USP10: variants seen among roughly 807,000 people sequenced by gnomAD.
The protein encoded by USP10 is ubiquitin carboxyl-terminal hydrolase 10.
Under a neutral mutation model 84.5 loss-of-function variants are expected in USP10, and 22 were observed. The observed-to-expected ratio is 0.26, with a 90% CI of 0.19 to 0.37. USP10 has a LOEUF of 0.37. Ranked by LOEUF, USP10 falls within the 10% of genes least tolerant of loss-of-function variation. The pLI is 1.00. For missense variants in USP10, 1,019 were observed against 998.9 expected, an observed-to-expected ratio of 1.02 and a Z score of -0.27; for synonymous variants, 454 against 387.6, an observed-to-expected ratio of 1.17 and a Z score of -2.01.
chr16:84,756,883 A>G (rs757054436), intron 4 of USP10, among the ~76,000 whole-genome samples: 2 of 152,204 alleles, frequency 1.3e-5, no homozygotes, highest in African/African-American at 2.4e-5. Flanking sequence ...AATAGACTTT[A>G]AGCCTGTGGG....
At chr16:84,738,083 A>C (rs1012192072) in intron 2 of USP10, among the ~76,000 whole-genome samples, 1 of 110,218 alleles carries the variant, frequency 9.1e-6, no homozygotes, top group African/African-American at 4.1e-5. Context: ...GCAGGGTTCT[A>C]ACAGCTCTCT....
Position 84,759,817 on chromosome 16 carries a change from A to C in USP10, c.1395-74A>C. ...TACTCGTATAGCTGATATTCTACTT[A>C]GCCATCAAAGCTCTTTAGTAAAAGT... On this transcript the variant is annotated intron_variant, in intron 6 of 13. Transcript: ENST00000219473. 2.1e-6 allele frequency: 3 copies of C among 1,422,534 alleles called. No individual in the cohort carries two copies. In the South Asian group the frequency reaches 3.5e-5, roughly 16 times the overall value. 88.1% of individuals were successfully genotyped at this position (1,422,534 alleles called of 1,614,324 possible).
intron 3 of USP10, among the ~76,000 whole-genome samples, chr16:84,743,040 A>G (rs369367247): frequency 9.2e-5 from 14 of 152,326 alleles, no homozygotes; most frequent in African/African-American, 3.4e-4. Flanking sequence ...CGCCCCAGGC[A>G]CACCCGTTTC....
chr16:84,773,470 A>G (rs1914660470), intron 12 of USP10, among the ~76,000 whole-genome samples: 1 of 152,092 alleles, frequency 6.6e-6, no homozygotes, highest in South Asian at 2.1e-4. Context: ...TAGATGACCC[A>G]GGAACTGTGG....
At chr16:84,705,594 C>T (rs928183261) in intron 1 of USP10, among the ~76,000 whole-genome samples, 6 of 145,664 alleles carry the variant, frequency 4.1e-5, no homozygotes, top group Non-Finnish European at 9.0e-5. Flanking sequence ...CCCTTTCCCT[C>T]TTTCTTTCTT....
chr16:84,776,862 G>T (rs1247156166), intron 13 of USP10, among the ~76,000 whole-genome samples: 1 of 152,180 alleles, frequency 6.6e-6, no homozygotes, highest in Non-Finnish European at 1.5e-5. Flanking sequence ...GCCCAGGCTG[G>T]AGTGCAGTGG....
chr16:84,715,663 T>TAG (rs1336148877), intron 1 of USP10, among the ~76,000 whole-genome samples: 1 of 152,040 alleles, frequency 6.6e-6, no homozygotes, highest in African/African-American at 2.4e-5. Flanking sequence ...AACAAACAAG[T>TAG]AGAGCTCAGC....
At chr16:84,766,071 C>T (rs1048028424) in intron 10 of USP10, among the ~76,000 whole-genome samples, 3 of 152,166 alleles carry the variant, frequency 2.0e-5, no homozygotes, top group African/African-American at 4.8e-5. Flanking sequence ...CCAAATGCTG[C>T]GTACCTGAAA....
At chr16:84,704,510 C>T (rs1905240127) in intron 1 of USP10, among the ~76,000 whole-genome samples, 2 of 152,198 alleles carry the variant, frequency 1.3e-5, no homozygotes, top group Admixed American at 1.3e-4. Context: ...TGTGCTTGGA[C>T]TGCAGTTTTC....
intron 13 of USP10, among the ~76,000 whole-genome samples, chr16:84,776,219 T>C (rs1222396304): frequency 6.6e-6 from 1 of 152,146 alleles, no homozygotes; most frequent in Non-Finnish European, 1.5e-5. Flanking sequence ...GGCTTCAAGC[T>C]CCTGTCCACC....
At chr16:84,768,415 G>C in intron 11 of USP10, 57 bp downstream of exon 11, 1 of 1,434,250 alleles carries the variant, frequency 7.0e-7, no homozygotes, top group Non-Finnish European at 9.3e-7. Context: ...TTGGTGGAAA[G>C]AACACAAAAT....
At chr16:84,732,375 A>T (rs1295065866) in intron 1 of USP10, 1 of 373,108 alleles carries the variant, frequency 2.7e-6, no homozygotes, top group Non-Finnish European at 5.1e-6. Context: ...ATAATTATTG[A>T]TTAAATGAAT....
At chr16:84,778,344 A>G (rs552290619) in intron 13 of USP10, among the ~76,000 whole-genome samples, 2 of 152,198 alleles carry the variant, frequency 1.3e-5, no homozygotes, top group African/African-American at 4.8e-5. Context: ...CTCATTTAAT[A>G]TACCATAAGC....
chr16:84,727,792 T>C (rs1157109809), intron 1 of USP10, among the ~76,000 whole-genome samples: 1 of 152,260 alleles, frequency 6.6e-6, no homozygotes, highest in African/African-American at 2.4e-5. Flanking sequence ...TTCTTGAATG[T>C]GTATTTCCTA....
chr16:84,776,483 A>C (rs1478134365), intron 13 of USP10, among the ~76,000 whole-genome samples: 1 of 152,166 alleles, frequency 6.6e-6, no homozygotes. Context: ...GGCCATGGGC[A>C]CCACGCGCTT....
At chr16:84,715,155 C>G (rs561078111) in intron 1 of USP10, among the ~76,000 whole-genome samples, 2 of 152,218 alleles carry the variant, frequency 1.3e-5, no homozygotes, top group Admixed American at 1.3e-4. Context: ...GTCTCGACCT[C>G]CTGACCTCAA....
At chr16:84,719,381 A>G (rs1361109846) in intron 1 of USP10, among the ~76,000 whole-genome samples, 2 of 152,190 alleles carry the variant, frequency 1.3e-5, no homozygotes, top group East Asian at 1.9e-4. Flanking sequence ...GAATGCCCCT[A>G]CACAGTGATT....
intron 3 of USP10, among the ~76,000 whole-genome samples, chr16:84,742,910 G>A (rs1910790385): frequency 6.6e-6 from 1 of 152,214 alleles, no homozygotes; most frequent in African/African-American, 2.4e-5. Flanking sequence ...GAATTGAGAT[G>A]TGTACAGCAC....
chr16:84,751,647 G>T (rs1231369356), intron 4 of USP10, among the ~76,000 whole-genome samples: 1 of 152,170 alleles, frequency 6.6e-6, no homozygotes, highest in South Asian at 2.1e-4. Flanking sequence ...CCTCCACCTG[G>T]TTAGATAACC....
Sources: gnomAD v4.1 joint callset for allele counts (sites outside exome capture counted in the v4.1 genomes callset) on GRCh38, gnomAD v4.1.1 for gene constraint, MANE v1.5 for transcripts, NCBI Gene and HGNC (gene_info 2026-07-23, HGNC 2026-07-21) for gene names.